The following COG3 variants were observed in gnomAD, a reference collection of about 807,000 sequenced individuals.
The protein encoded by COG3 is component of oligomeric golgi complex 3.
A neutral mutation model predicts 114.1 loss-of-function variants in COG3; 32 were observed. That is an observed-to-expected ratio of 0.28 (90% CI 0.21 to 0.38). COG3 has a LOEUF of 0.38. COG3 is among the 10% of genes least tolerant of loss of function. The pLI, the probability that COG3 is intolerant of heterozygous loss-of-function variation, is 1.00. For synonymous variants in COG3, 352 were observed against 365.7 expected (o/e 0.96, Z 0.43); for missense variants, 813 against 973.2 (o/e 0.84, Z 2.19).
chr13:45,530,513 C>G (rs1001232746), intron 21 of COG3, among the ~76,000 whole-genome samples, 169 bp from the exon 22 acceptor site: 2 of 152,200 alleles, frequency 1.3e-5, no homozygotes, highest in Non-Finnish European at 2.9e-5. Flanking sequence ...AAGTCTTCAT[C>G]AGGTCATGCC....
intron 1 of COG3, 90 bp downstream of exon 1, chr13:45,465,300 C>T (rs1195840564): frequency 4.7e-6 from 7 of 1,505,220 alleles, no homozygotes; most frequent in Middle Eastern, 2.4e-4. Context: ...CTAGCCTCTG[C>T]CCAGGATATC....
intron 20 of COG3, among the ~76,000 whole-genome samples, chr13:45,528,984 G>A (rs1211860982): frequency 1.3e-5 from 2 of 152,142 alleles, no homozygotes; most frequent in Admixed American, 1.3e-4. Flanking sequence ...CCAAAGAGAT[G>A]AACCATCTTG....
intron 19 of COG3, among the ~76,000 whole-genome samples, chr13:45,524,473 G>T (rs999841622): frequency 6.6e-5 from 10 of 152,154 alleles, no homozygotes; most frequent in African/African-American, 2.2e-4. Flanking sequence ...GTGACTTTTT[G>T]ATGGTATTTG....
At chr13:45,499,519 A>C (rs1231500463) in intron 13 of COG3, among the ~76,000 whole-genome samples, 2 of 152,222 alleles carry the variant, frequency 1.3e-5, no homozygotes. Flanking sequence ...CCTGGGTTCA[A>C]ATCCCAGCCC....
At position 45,493,430 on chromosome 13, in the gene COG3, C is replaced by G; in HGVS notation, c.1271C>G (p.Ser424Trp). 6.2e-7 allele frequency: 1 copy of G among 1,612,978 alleles called. No individual in the cohort carries two copies. Among genetic ancestry groups the G allele is most frequent in the Non-Finnish European group, 8.5e-7 (1 of 1,179,316 alleles). The change falls in exon 12 of 23, where the codon TCG becomes TGG. Residue 424 changes from serine to tryptophan, a missense_variant. Physicochemically the swap from Ser to Trp is radical, Grantham distance 177. Around this residue, in one of 2 missense-constraint regions of COG3, gnomAD observed 389 missense variants for 542.6 expected, o/e 0.72. Coordinates refer to ENST00000349995, the MANE Select transcript of COG3 (RefSeq NM_031431.4). ...CATGTTATTCACTTAGAGACTCTGTCGGAACTTTGTGGGATTCTTAAAAAT... is the reference window on the plus strand; with the variant it reads ...CATGTTATTCACTTAGAGACTCTGTGGGAACTTTGTGGGATTCTTAAAAAT... ...IIHVIHLETL[S>W]ELCGILKNEV...
chr13:45,498,139 T>C (rs1869049499), intron 13 of COG3, among the ~76,000 whole-genome samples: 1 of 152,158 alleles, frequency 6.6e-6, no homozygotes, highest in South Asian at 2.1e-4. Context: ...TCCCATTTAC[T>C]TTATCTCTTT....
chr13:45,507,774 GAA>G (rs34309121), intron 14 of COG3, among the ~76,000 whole-genome samples: 167 of 138,292 alleles, frequency 1.2e-3, no homozygotes, highest in Middle Eastern at 3.9e-3. Context: ...CAGAAAAAAA[GAA>G]AAAAAAAAAA....
intron 19 of COG3, among the ~76,000 whole-genome samples, chr13:45,523,649 G>C (rs1466232043): frequency 6.6e-6 from 1 of 152,110 alleles, no homozygotes; most frequent in East Asian, 1.9e-4. Context: ...AAATACTTGT[G>C]CGAAACCTAA....
At chr13:45,519,503 G>A (rs1370745976) in intron 19 of COG3, among the ~76,000 whole-genome samples, 1 of 152,066 alleles carries the variant, frequency 6.6e-6, no homozygotes, top group Non-Finnish European at 1.5e-5. Flanking sequence ...TTTACATGCC[G>A]TTTTTCTCTT....
Position 45,535,093 on chromosome 13 carries a change from G to A in COG3, c.*362G>A, listed in dbSNP as rs1873462991. The A allele has an allele frequency of 3.9e-6, 4 of 1,037,218 alleles. No homozygotes were observed. The highest frequency in any genetic ancestry group is 5.6e-5 in the Admixed American group (1 of 17,762). The allele number at this position is 1,037,218 out of a possible 1,614,324, so 64.3% of individuals were successfully genotyped here. ...GTGCAAAGAACTTTACAGAAATCAAGCGAATTAGAAGGCCTGTAAGAGTAA... is the reference window on the plus strand; with the variant it reads ...GTGCAAAGAACTTTACAGAAATCAAACGAATTAGAAGGCCTGTAAGAGTAA... On this transcript the variant is annotated 3_prime_UTR_variant, in exon 23 of 23. Coordinates refer to ENST00000349995, the MANE Select transcript of COG3 (RefSeq NM_031431.4).
chr13:45,473,974 A>G (rs1198665125), intron 1 of COG3, among the ~76,000 whole-genome samples: 2 of 152,212 alleles, frequency 1.3e-5, no homozygotes, highest in Admixed American at 6.5e-5. Context: ...AAGAGTTTAC[A>G]TGAACAAGTG....
chr13:45,478,832 G>C (rs1435037829), intron 2 of COG3, among the ~76,000 whole-genome samples, 173 bp from the exon 3 acceptor site: 1 of 152,140 alleles, frequency 6.6e-6, no homozygotes, highest in African/African-American at 2.4e-5. Context: ...CTAGCATATG[G>C]GTATTGTGGA....
At chr13:45,499,149 G>A (rs1337142853) in intron 13 of COG3, among the ~76,000 whole-genome samples, 3 of 151,570 alleles carry the variant, frequency 2.0e-5, no homozygotes, top group Non-Finnish European at 4.4e-5. Context: ...GAAATCTCCA[G>A]TTCAGATCCA....
At chr13:45,521,574 C>A (rs911099689) in intron 19 of COG3, among the ~76,000 whole-genome samples, 1 of 142,310 alleles carries the variant, frequency 7.0e-6, no homozygotes, top group East Asian at 2.0e-4. Flanking sequence ...AAGATACATA[C>A]GTGCACACAC....
At chr13:45,498,143 T>C (rs1298272159) in intron 13 of COG3, among the ~76,000 whole-genome samples, 1 of 152,154 alleles carries the variant, frequency 6.6e-6, no homozygotes, top group Non-Finnish European at 1.5e-5. Context: ...ATTTACTTTA[T>C]CTCTTTGTGT....
chr13:45,495,281 C>T lies in COG3; in HGVS notation c.1328-871C>T, dbSNP rs1324582032. Among the ~76,000 whole-genome samples, 3 of 152,036 alleles carry T rather than the reference C, an allele frequency of 2.0e-5. No homozygotes were observed. In the East Asian group the frequency reaches 5.8e-4, roughly 29 times the overall value. On this transcript the variant is annotated intron_variant, in intron 12 of 22. Coordinates refer to ENST00000349995, the MANE Select transcript of COG3 (RefSeq NM_031431.4). ...GGGATTACAGGCATGAGCCACCATG[C>T]CTCGCCTAATGTGATTATGTGTTAT...
At chr13:45,465,314 C>T in intron 1 of COG3, 104 bp downstream of exon 1, 5 of 1,457,008 alleles carry the variant, frequency 3.4e-6, no homozygotes, top group South Asian at 1.4e-5. Context: ...GGATATCTCT[C>T]CACTCCTCCC....
chr13:45,470,634 T>G (rs2137773040), intron 1 of COG3, among the ~76,000 whole-genome samples: 1 of 152,366 alleles, frequency 6.6e-6, no homozygotes, highest in East Asian at 1.9e-4. Flanking sequence ...GGTAACATTT[T>G]GCACAACTAT....
At position 45,494,215 on chromosome 13, in the gene COG3, C is replaced by T. The variant is rs374970382; in HGVS notation, c.1327+729C>T. 1.8e-4 allele frequency among the ~76,000 whole-genome samples: 28 copies of T among 151,784 alleles called. No individual in the cohort carries two copies. The East Asian group carries it at 3.5e-3, about 19-fold the overall frequency. The stretch of plus-strand genomic sequence containing the variant: ...TGGCAGGCGCCTATAATCTCAACTA[C>T]TCGGGAGGCTTAGGCAGGAGAATTG... On this transcript the variant is annotated intron_variant, in intron 12 of 22. Transcript: ENST00000349995.
Sources: allele counts gnomAD v4.1 joint callset (sites outside exome capture counted in the v4.1 genomes callset), GRCh38; gene constraint gnomAD v4.1.1; regional missense constraint gnomAD v4.1.1; transcripts MANE v1.5; gene names NCBI Gene and HGNC (gene_info 2026-07-23, HGNC 2026-07-21).